PLEKHM3: variants seen among roughly 807,000 people sequenced by gnomAD.
PLEKHM3 encodes pleckstrin homology domain-containing family M member 3.
Under a neutral mutation model 81.8 loss-of-function variants are expected in PLEKHM3, and 45 were observed. That is an observed-to-expected ratio of 0.55 (90% CI 0.43 to 0.71). PLEKHM3 has a LOEUF of 0.71. PLEKHM3 is among the 30% of genes least tolerant of loss of function. PLEKHM3 has a pLI of 0.00. For synonymous variants in PLEKHM3, 352 were observed against 356.4 expected (o/e 0.99, Z 0.14); for missense variants, 788 against 924.3 (o/e 0.85, Z 1.91).
intron 6 of PLEKHM3, among the ~76,000 whole-genome samples, chr2:207,888,875 A>C (rs1687964282): frequency 6.6e-6 from 1 of 152,232 alleles, no homozygotes; most frequent in South Asian, 2.1e-4. Flanking sequence ...GCAATGCTAT[A>C]AACTCTTTTT....
chr2:207,972,017 T>A (rs1691138773), intron 3 of PLEKHM3, among the ~76,000 whole-genome samples: 1 of 152,256 alleles, frequency 6.6e-6, no homozygotes, highest in Admixed American at 6.5e-5. Context: ...GCGTCACATC[T>A]GTAGCAATTG....
In PLEKHM3 at chr2:207,997,400, G is replaced by A. The variant is rs1366193765; in HGVS notation, c.610+3630C>T. On this transcript the variant is annotated intron_variant, in intron 2 of 7. Transcript: ENST00000427836. ...GAAGGAAAGAGATGGAGGAGGGTAG[G>A]AGGAAGGAGCAGACGAGGGAAGAAG... Among the ~76,000 whole-genome samples, 4 of 152,176 alleles carry A rather than the reference G, an allele frequency of 2.6e-5. No homozygotes were observed. The South Asian group carries it at 8.3e-4, about 31-fold the overall frequency.
At chr2:207,832,357 G>A (rs1319435622) in intron 7 of PLEKHM3, among the ~76,000 whole-genome samples, 3 of 152,284 alleles carry the variant, frequency 2.0e-5, no homozygotes, top group African/African-American at 7.2e-5. Flanking sequence ...GAAAAGGAAG[G>A]AGAAAGGGAA....
At chr2:207,969,502 G>A (rs898901942) in intron 3 of PLEKHM3, among the ~76,000 whole-genome samples, 10 of 152,120 alleles carry the variant, frequency 6.6e-5, no homozygotes, top group Admixed American at 2.6e-4. Flanking sequence ...CCAGAAATAC[G>A]TCCTCATTTA....
At chr2:207,989,295 C>A (rs558241729) in intron 2 of PLEKHM3, among the ~76,000 whole-genome samples, 1 of 152,328 alleles carries the variant, frequency 6.6e-6, no homozygotes, top group East Asian at 1.9e-4. Flanking sequence ...ATAAAGTACT[C>A]AGAGCCTTCT....
intron 2 of PLEKHM3, among the ~76,000 whole-genome samples, chr2:207,995,236 A>G (rs1692031986): frequency 6.6e-6 from 1 of 152,218 alleles, no homozygotes; most frequent in African/African-American, 2.4e-5. Context: ...AAATGCAGGA[A>G]ACAATCCTTG....
intron 3 of PLEKHM3, among the ~76,000 whole-genome samples, chr2:207,961,013 T>A (rs1373022986): frequency 6.6e-6 from 1 of 152,204 alleles, no homozygotes; most frequent in Non-Finnish European, 1.5e-5. Context: ...GTCAAGACAG[T>A]TTAATCTTCC....
At chr2:208,007,851 G>A (rs1034518921) in intron 1 of PLEKHM3, among the ~76,000 whole-genome samples, 1 of 152,032 alleles carries the variant, frequency 6.6e-6, no homozygotes, top group Non-Finnish European at 1.5e-5. Flanking sequence ...GTCAGGAGAT[G>A]GAGACCATCC....
intron 6 of PLEKHM3, 123 bp from the exon 7 acceptor site, chr2:207,861,385 G>A: frequency 9.0e-7 from 1 of 1,108,050 alleles, no homozygotes; most frequent in African/African-American, 1.6e-5. Context: ...TAATTTCTCA[G>A]CAACTCTGAG....
chr2:207,848,145 T>C (rs2092394444), intron 7 of PLEKHM3, among the ~76,000 whole-genome samples: 1 of 152,288 alleles, frequency 6.6e-6, no homozygotes, highest in South Asian at 2.1e-4. Context: ...GCCGAGCAAA[T>C]AGGAAGCCAC....
chr2:207,897,953 C>G (rs927113364), intron 6 of PLEKHM3, among the ~76,000 whole-genome samples: 1 of 152,174 alleles, frequency 6.6e-6, no homozygotes, highest in African/African-American at 2.4e-5. Context: ...CCTGACCTTG[C>G]AAAGTGACCT....
At chr2:207,893,339 G>T (rs1054416104) in intron 6 of PLEKHM3, among the ~76,000 whole-genome samples, 1 of 152,176 alleles carries the variant, frequency 6.6e-6, no homozygotes, top group Non-Finnish European at 1.5e-5. Flanking sequence ...GGGGAGCAGG[G>T]GAGGGCTGCT....
chr2:207,918,245 G>A (rs1054044630), intron 5 of PLEKHM3, among the ~76,000 whole-genome samples: 4 of 152,138 alleles, frequency 2.6e-5, no homozygotes, highest in East Asian at 1.9e-4. Context: ...TTTCAGTGCC[G>A]GGCGTGGTGG....
At chr2:208,020,054 A>G (rs769604833) in intron 1 of PLEKHM3, among the ~76,000 whole-genome samples, 2 of 152,252 alleles carry the variant, frequency 1.3e-5, no homozygotes, top group Non-Finnish European at 2.9e-5. Context: ...CCTGCAACAC[A>G]TGTTTTTTGT....
rs35913574 is a variant in PLEKHM3, at chr2:207,834,130, CTTTT to C, written c.2109-5638_2109-5635del. On this transcript the variant is annotated intron_variant, in intron 7 of 7. Coordinates refer to ENST00000427836, the MANE Select transcript of PLEKHM3 (RefSeq NM_001080475.3). ...TCAACTCACTCTGATTTTTCTCTTT[CTTTT>C]TTTTTTTTTTTGAGACAGAGTTTTT... 2.8e-5 allele frequency among the ~76,000 whole-genome samples: 4 copies of C among 140,556 alleles called. No homozygotes were observed. In the East Asian group the frequency reaches 6.2e-4, roughly 22 times the overall value. 92.2% of individuals were successfully genotyped at this position (140,556 alleles called of 152,430 possible). A position where few individuals can be genotyped will look rare whatever the true frequency, so the allele number is the denominator to read the frequency against.
At chr2:207,945,616 ATCTCGGACCACACAGTGGC>A (rs1423482592) in intron 4 of PLEKHM3, among the ~76,000 whole-genome samples, 2 of 152,172 alleles carry the variant, frequency 1.3e-5, no homozygotes, top group Non-Finnish European at 2.9e-5. Context: ...TATAAGAAAT[ATCTCGGACCACACAGTGGC>A]TCATGCCTGT....
At chr2:207,835,779 A>C (rs1018326866) in intron 7 of PLEKHM3, among the ~76,000 whole-genome samples, 1 of 152,242 alleles carries the variant, frequency 6.6e-6, no homozygotes, top group Non-Finnish European at 1.5e-5. Flanking sequence ...TCAATTAAAA[A>C]TTAAGGGTTC....
chr2:207,968,364 C>T (rs1000778144), intron 3 of PLEKHM3, among the ~76,000 whole-genome samples: 20 of 151,790 alleles, frequency 1.3e-4, no homozygotes, highest in African/African-American at 2.9e-4. Flanking sequence ...TGGGAACTAA[C>T]GACAAAGTTT....
chr2:207,831,777 C>G (rs1384365346), intron 7 of PLEKHM3, among the ~76,000 whole-genome samples: 1 of 152,172 alleles, frequency 6.6e-6, no homozygotes, highest in African/African-American at 2.4e-5. Context: ...CCCATGTCTT[C>G]TAGAGCCTCT....
Sources: allele counts gnomAD v4.1 joint callset (sites outside exome capture counted in the v4.1 genomes callset), GRCh38; gene constraint gnomAD v4.1.1; transcripts MANE v1.5; gene names NCBI Gene and HGNC (gene_info 2026-07-23, HGNC 2026-07-21).